Variants in KIAA1671 observed in about 807,000 individuals in gnomAD.
The protein encoded by KIAA1671 is uncharacterized protein KIAA1671.
In KIAA1671, 52 loss-of-function variants were observed where a neutral mutation model predicts 131.2. That is an observed-to-expected ratio of 0.40 (90% CI 0.32 to 0.50). The LOEUF (loss-of-function observed/expected upper bound fraction) is 0.50, where lower values mean the gene tolerates loss of function less well. Ranked by LOEUF, KIAA1671 falls within the 20% of genes least tolerant of loss-of-function variation. The pLI, the probability that KIAA1671 is intolerant of heterozygous loss-of-function variation, is 0.73. For missense variants in KIAA1671, 2,360 were observed against 2,364.2 expected, an observed-to-expected ratio of 1.00 and a Z score of 0.04; for synonymous variants, 1,003 against 961.6, an observed-to-expected ratio of 1.04 and a Z score of -0.80.
intron 10 of KIAA1671, among the ~76,000 whole-genome samples, chr22:25,184,580 T>C (rs1934406711): frequency 6.6e-6 from 1 of 152,214 alleles, no homozygotes; most frequent in South Asian, 2.1e-4. Context: ...TCTAATAGAC[T>C]GTCGAAAACT....
At chr22:24,984,266 A>T (rs1923395405) in intron 1 of KIAA1671, among the ~76,000 whole-genome samples, 2 of 152,176 alleles carry the variant, frequency 1.3e-5, no homozygotes, top group Admixed American at 1.3e-4. Flanking sequence ...TCCTTTGCAG[A>T]TAGGTAGGGC....
intron 1 of KIAA1671, among the ~76,000 whole-genome samples, chr22:24,962,138 C>T (rs553056129): frequency 2.6e-5 from 4 of 152,234 alleles, no homozygotes; most frequent in African/African-American, 4.8e-5. Flanking sequence ...GCTTACAATC[C>T]CCTGAGCAGT....
chr22:24,992,810 G>A (rs376322344), intron 1 of KIAA1671, among the ~76,000 whole-genome samples: 112 of 32,750 alleles, frequency 3.4e-3, no homozygotes, highest in African/African-American at 0.016. Context: ...GCGAGACTCC[G>A]TCTCAAAAAA....
chr22:24,977,063 G>A (rs1044964533), intron 1 of KIAA1671, among the ~76,000 whole-genome samples: 2 of 152,162 alleles, frequency 1.3e-5, no homozygotes, highest in African/African-American at 4.8e-5. Flanking sequence ...ATCTCAGAGA[G>A]CTGTCATGAG....
intron 6 of KIAA1671, among the ~76,000 whole-genome samples, chr22:25,146,242 C>T (rs1932876606): frequency 6.6e-6 from 1 of 152,298 alleles, no homozygotes; most frequent in Non-Finnish European, 1.5e-5. Context: ...AGTCACACGG[C>T]TGGTGGGCAG....
chr22:25,138,737 A>T (rs1417301658), intron 6 of KIAA1671, among the ~76,000 whole-genome samples: 1 of 152,208 alleles, frequency 6.6e-6, no homozygotes, highest in Non-Finnish European at 1.5e-5. Flanking sequence ...ACCTTCAAAT[A>T]CTAGAGTTCT....
chr22:25,156,171 C>T lies in KIAA1671; in HGVS notation c.4531-14649C>T, dbSNP rs747068395. 4.0e-5 allele frequency among the ~76,000 whole-genome samples: 6 copies of T among 150,780 alleles called. No individual in the cohort carries two copies. The South Asian group carries it at 6.3e-4, about 16-fold the overall frequency. On this transcript the variant is annotated intron_variant, in intron 6 of 12. Coordinates refer to ENST00000358431, the MANE Select transcript of KIAA1671 (RefSeq NM_001145206.2). ...CCGAGTAGCTGGGACTACAGGCACCCGCCACCATGCCTGGCTAATATTTTT... is the reference window on the plus strand; with the variant it reads ...CCGAGTAGCTGGGACTACAGGCACCTGCCACCATGCCTGGCTAATATTTTT...
At chr22:25,129,493 G>A (rs1265361887) in intron 6 of KIAA1671, among the ~76,000 whole-genome samples, 1 of 147,486 alleles carries the variant, frequency 6.8e-6, no homozygotes, top group Non-Finnish European at 1.5e-5. Flanking sequence ...GGCAACAAGA[G>A]CAAGACTCCA....
chr22:24,995,144 G>T (rs559446409), intron 1 of KIAA1671, among the ~76,000 whole-genome samples: 162 of 147,820 alleles, frequency 1.1e-3, no homozygotes, highest in Non-Finnish European at 2.0e-3. Flanking sequence ...TCCGCCTCCC[G>T]GGTTCACGCC....
Position 24,992,532 on chromosome 22 carries a change from T to C in KIAA1671, c.-207-33101T>C, listed in dbSNP as rs1923896045. ...AAAAGTTTGATCAATAAATGAACAA[T>C]GGCCAGGCGTGGTGGCTCACTCCTG... On this transcript the variant is annotated intron_variant, in intron 1 of 12. Coordinates refer to ENST00000358431, the MANE Select transcript of KIAA1671 (RefSeq NM_001145206.2). Among the ~76,000 whole-genome samples the C allele has an allele frequency of 3.3e-5, 5 of 151,984 alleles. No individual in the cohort carries two copies. The South Asian group carries it at 1.0e-3, about 32-fold the overall frequency.
chr22:25,080,023 G>A (rs1461352312), intron 6 of KIAA1671, among the ~76,000 whole-genome samples: 2 of 152,178 alleles, frequency 1.3e-5, no homozygotes, highest in African/African-American at 4.8e-5. Flanking sequence ...TGTGCTCATG[G>A]ATTGGACATG....
chr22:25,165,101 A>G (rs541504582), intron 6 of KIAA1671, among the ~76,000 whole-genome samples: 9 of 151,724 alleles, frequency 5.9e-5, no homozygotes, highest in South Asian at 4.2e-4. Context: ...TTCTGGTAGA[A>G]TGATGAGGCA....
chr22:25,087,588 AAACC>A (rs368830395), intron 6 of KIAA1671, among the ~76,000 whole-genome samples: 1 of 152,252 alleles, frequency 6.6e-6, no homozygotes, highest in Non-Finnish European at 1.5e-5. Flanking sequence ...TCCATCTCAA[AAACC>A]AACCAACCAA....
intron 1 of KIAA1671, among the ~76,000 whole-genome samples, chr22:25,022,246 C>T (rs1412936951): frequency 2.0e-5 from 3 of 152,192 alleles, no homozygotes; most frequent in African/African-American, 7.2e-5. Context: ...GACTGATAAG[C>T]TCTCAGATCG....
intron 6 of KIAA1671, among the ~76,000 whole-genome samples, chr22:25,100,543 G>A (rs1159436693): frequency 1.3e-5 from 2 of 152,214 alleles, no homozygotes; most frequent in South Asian, 2.1e-4. Flanking sequence ...CCACCCAGCC[G>A]TGGGTTGTGT....
At chr22:24,982,440 C>T (rs931825409) in intron 1 of KIAA1671, among the ~76,000 whole-genome samples, 1 of 152,192 alleles carries the variant, frequency 6.6e-6, no homozygotes, top group Non-Finnish European at 1.5e-5. Context: ...ACTTTTCTTC[C>T]GTGAGTCAGT....
intron 1 of KIAA1671, among the ~76,000 whole-genome samples, chr22:24,975,963 C>A (rs1602038250): frequency 6.6e-6 from 1 of 152,260 alleles, no homozygotes; most frequent in Non-Finnish European, 1.5e-5. Flanking sequence ...ACACTCCCCG[C>A]CACTATTCAG....
intron 6 of KIAA1671, among the ~76,000 whole-genome samples, chr22:25,080,183 A>G (rs1299064151): frequency 7.1e-6 from 1 of 140,028 alleles, no homozygotes; most frequent in Non-Finnish European, 1.6e-5. Context: ...GTTGAGTTTG[A>G]AAAGTCAGTT....
At chr22:25,169,761 G>T (rs5996847) in intron 6 of KIAA1671, among the ~76,000 whole-genome samples, 3,047 of 151,522 alleles carry the variant, frequency 0.02, 45 homozygotes, top group Middle Eastern at 0.058. Flanking sequence ...TGCTCCCTGC[G>T]TGCCCTCTCT....
Sources: gnomAD v4.1 joint callset for allele counts (sites outside exome capture counted in the v4.1 genomes callset) on GRCh38, gnomAD v4.1.1 for gene constraint, MANE v1.5 for transcripts, NCBI Gene and HGNC (gene_info 2026-07-23, HGNC 2026-07-21) for gene names.